The following TTC7B variants were observed in gnomAD, a reference collection of about 807,000 sequenced individuals.
TTC7B encodes the protein tetratricopeptide repeat protein 7B.
A neutral mutation model predicts 106.8 loss-of-function variants in TTC7B; 28 were observed. The ratio of observed to expected loss-of-function variants is 0.26; its 90% CI spans 0.19 to 0.36. TTC7B has a LOEUF of 0.36. Among genes scored for constraint, TTC7B ranks in the 10% least tolerant of loss-of-function variants. The pLI, the probability that TTC7B is intolerant of heterozygous loss-of-function variation, is 1.00. For missense variants in TTC7B, 862 were observed against 1,076.4 expected, an observed-to-expected ratio of 0.80 and a Z score of 2.79; for synonymous variants, 405 against 430.6, an observed-to-expected ratio of 0.94 and a Z score of 0.74.
intron 17 of TTC7B, among the ~76,000 whole-genome samples, chr14:90,610,536 G>T (rs59981064): frequency 0.026 from 4,011 of 152,272 alleles, 180 homozygotes; most frequent in African/African-American, 0.092. Context: ...AGAAAGCACT[G>T]GGCTGGGCAA....
At chr14:90,695,471 G>A (rs759403910) in intron 6 of TTC7B, 29 bp downstream of exon 6, 1 of 1,441,946 alleles carries the variant, frequency 6.9e-7, no homozygotes, top group East Asian at 2.4e-5. Flanking sequence ...TGCCCTGCTG[G>A]CCTCAATCAA....
chr14:90,561,068 T>C (rs779375074), intron 19 of TTC7B, among the ~76,000 whole-genome samples: 1 of 152,210 alleles, frequency 6.6e-6, no homozygotes, highest in Non-Finnish European at 1.5e-5. Context: ...GATCGCTCAC[T>C]TGCGCTTTGG....
intron 3 of TTC7B, among the ~76,000 whole-genome samples, chr14:90,779,235 C>A (rs1316117514): frequency 6.6e-6 from 1 of 152,236 alleles, no homozygotes; most frequent in African/African-American, 2.4e-5. Context: ...CCTGAAGTGA[C>A]CTCTCCGTAT....
In TTC7B at chr14:90,657,084, C is replaced by T. The variant is rs923271221; in HGVS notation, c.1341+90G>A. 9.5e-5 allele frequency: 106 copies of T among 1,114,654 alleles called. 1 individual carries two copies. Among genetic ancestry groups the T allele is most frequent in the Admixed American group, 3.1e-4 (16 of 51,362 alleles). 69.0% of individuals were successfully genotyped at this position (1,114,654 alleles called of 1,614,324 possible). On this transcript the variant is annotated intron_variant, in intron 11 of 19. Transcript: ENST00000328459. The surrounding 1 kb of genome is among the most constrained non-coding windows in gnomAD (Gnocchi z 4.2). ...CTTTGTACAGCTGATGAATCACCCT[C>T]GCTTTCTCTCTGTGCCTCGACATGA... is the stretch of plus-strand genomic sequence containing the variant.
chr14:90,668,061 G>A (rs1391722200), intron 9 of TTC7B, among the ~76,000 whole-genome samples: 2 of 150,720 alleles, frequency 1.3e-5, no homozygotes, highest in Admixed American at 1.3e-4. Flanking sequence ...CCTTGGCTCT[G>A]TTGTAATACT....
intron 1 of TTC7B, among the ~76,000 whole-genome samples, chr14:90,804,031 A>T (rs1282408672): frequency 6.6e-6 from 1 of 152,016 alleles, no homozygotes; most frequent in Admixed American, 6.6e-5. Context: ...ACACACTCGC[A>T]GAGAGCCAAA....
At position 90,577,959 on chromosome 14, in the gene TTC7B, C is replaced by T; in HGVS notation, c.2310+147G>A. The T allele has an allele frequency of 9.8e-7, 1 of 1,023,210 alleles. No homozygotes were observed. Among genetic ancestry groups the T allele is most frequent in the Admixed American group, 2.2e-5 (1 of 45,334 alleles). 63.4% of individuals were successfully genotyped at this position (1,023,210 alleles called of 1,614,324 possible). On this transcript the variant is annotated intron_variant, in intron 19 of 19. Coordinates refer to ENST00000328459, the MANE Select transcript of TTC7B (RefSeq NM_001010854.2). The surrounding 1 kb of genome is among the most constrained non-coding windows in gnomAD (Gnocchi z 5.0). ...TAAACTATGGTAGAAACGGTGCCCT[C>T]TGGCTTCAGGCCATGTGACAGCCTG...
At chr14:90,621,204 T>C (rs1288971920) in intron 15 of TTC7B, among the ~76,000 whole-genome samples, 82 of 124,440 alleles carry the variant, frequency 6.6e-4, no homozygotes, top group East Asian at 2.8e-3. Flanking sequence ...CACGTGGGTA[T>C]GGCTGGGACG....
rs561490085 is a variant in TTC7B at position 90,707,624 on chromosome 14, A to T, written c.699-12046T>A. On this transcript the variant is annotated intron_variant, in intron 5 of 19. Coordinates refer to ENST00000328459, the MANE Select transcript of TTC7B (RefSeq NM_001010854.2). ...CACAAATGATAAAAATAATTTTTTA[A>T]AAAAAGCAAAAGAGCCTTATTGCTG... Among the ~76,000 whole-genome samples, 4 of 152,324 alleles carry T rather than the reference A, an allele frequency of 2.6e-5. No individual in the cohort carries two copies. The South Asian group carries it at 6.2e-4, about 24-fold the overall frequency.
chr14:90,722,634 T>C (rs1439545070), intron 5 of TTC7B, among the ~76,000 whole-genome samples: 2 of 152,230 alleles, frequency 1.3e-5, no homozygotes, highest in Admixed American at 6.5e-5. Context: ...TCCTGTATCA[T>C]CTGCTCCTCA....
chr14:90,562,238 C>A (rs1186435343), intron 19 of TTC7B, among the ~76,000 whole-genome samples: 1 of 152,190 alleles, frequency 6.6e-6, no homozygotes, highest in Non-Finnish European at 1.5e-5. Context: ...ACCTTCCCCT[C>A]CCTCTGTGTC....
intron 3 of TTC7B, among the ~76,000 whole-genome samples, chr14:90,758,246 C>T (rs1425455460): frequency 6.6e-6 from 1 of 151,054 alleles, no homozygotes. Flanking sequence ...GCACCACTGT[C>T]CCGGTGGCCG....
chr14:90,766,961 G>T (rs529779204), intron 3 of TTC7B: 21 of 1,440,386 alleles, frequency 1.5e-5, no homozygotes, highest in Non-Finnish European at 1.9e-5. Context: ...CGCCATGGCC[G>T]CACTGTGGGT....
intron 5 of TTC7B, among the ~76,000 whole-genome samples, chr14:90,729,527 G>A (rs1889244201): frequency 6.6e-6 from 1 of 152,178 alleles, no homozygotes; most frequent in Non-Finnish European, 1.5e-5. Flanking sequence ...TTTCTCACAA[G>A]AGCAACACAA....
intron 17 of TTC7B, chr14:90,601,901 G>A (rs775927880): frequency 1.3e-5 from 4 of 309,096 alleles, no homozygotes; most frequent in East Asian, 8.7e-5. Context: ...GCGATGCGGC[G>A]AGTTGCCGGG....
In TTC7B at chr14:90,676,122, C is replaced by T. The variant is rs576384998; in HGVS notation, c.1152+401G>A. On this transcript the variant is annotated intron_variant, in intron 9 of 19. Coordinates refer to ENST00000328459, the MANE Select transcript of TTC7B (RefSeq NM_001010854.2). ...AAACGGTCTATACCAGCTAACATAA[C>T]ACACTGTGCCTGAAATTGTCAGGCC... 5.7e-4 allele frequency: 94 copies of T among 164,034 alleles called. 2 individuals carry two copies. The South Asian group carries it at 0.016, about 28-fold the overall frequency. The allele number at this position is 164,034 out of a possible 1,614,324, so 10.2% of individuals were successfully genotyped here.
Position 90,525,821 on chromosome 14 carries a change from C to T in TTC7B, c.*15547G>A, listed in dbSNP as rs1467225616. 4.1e-5 allele frequency: 6 copies of T among 147,130 alleles called. 1 individual carries two copies. Among genetic ancestry groups the T allele is most frequent in the Non-Finnish European group, 9.0e-5 (6 of 66,916 alleles). 9.1% of individuals were successfully genotyped at this position (147,130 alleles called of 1,614,324 possible). A position where few individuals can be genotyped will look rare whatever the true frequency, so the allele number is the denominator to read the frequency against. ...CTCTGGCTTTGTGACAAGCACGTCACTGTTAGGCTAAGCAGAGACTTTGGA... is the reference window on the plus strand; with the variant it reads ...CTCTGGCTTTGTGACAAGCACGTCATTGTTAGGCTAAGCAGAGACTTTGGA... On this transcript the variant is annotated 3_prime_UTR_variant, in exon 20 of 20. Transcript: ENST00000328459.
intron 3 of TTC7B, among the ~76,000 whole-genome samples, chr14:90,766,138 T>TTG (rs532421213): frequency 1.7e-3 from 254 of 150,936 alleles, no homozygotes; most frequent in South Asian, 9.8e-3. Context: ...CTACAACGTT[T>TTG]TTTTTTTTTT....
At chr14:90,719,306 G>T (rs1749720) in intron 5 of TTC7B, among the ~76,000 whole-genome samples, 68,295 of 151,904 alleles carry the variant, frequency 0.45, 15,628 homozygotes, top group African/African-American at 0.52. Context: ...AAAATAACCT[G>T]AGGTTAACTT....
Sources: gnomAD v4.1 joint callset for allele counts (sites outside exome capture counted in the v4.1 genomes callset) on GRCh38, gnomAD v4.1.1 for gene constraint, Gnocchi (gnomAD v3.1) non-coding constraint, MANE v1.5 for transcripts, NCBI Gene and HGNC (gene_info 2026-07-23, HGNC 2026-07-21) for gene names.